EVC2: variants seen among roughly 807,000 people sequenced by gnomAD.
EVC2 encodes EvC ciliary complex subunit 2.
A neutral mutation model predicts 149.3 loss-of-function variants in EVC2; 148 were observed. The observed-to-expected ratio is 0.99, with a 90% CI of 0.87 to 1.14. EVC2 has a LOEUF of 1.14. EVC2 is among the 50% of genes most tolerant of loss of function. The pLI, the probability that EVC2 is intolerant of heterozygous loss-of-function variation, is 0.00. For missense variants in EVC2, 1,854 were observed against 1,627.3 expected, an observed-to-expected ratio of 1.14 and a Z score of -2.40; for synonymous variants, 776 against 649.9, an observed-to-expected ratio of 1.19 and a Z score of -2.95.
chr4:5,656,794 G>C (rs1228010543), intron 9 of EVC2, among the ~76,000 whole-genome samples: 1 of 152,178 alleles, frequency 6.6e-6, no homozygotes, highest in African/African-American at 2.4e-5. Flanking sequence ...CAGTGACACG[G>C]TGAGTTTCTG....
intron 9 of EVC2, among the ~76,000 whole-genome samples, chr4:5,655,645 C>A (rs57102438): frequency 0.031 from 4,674 of 152,052 alleles, 222 homozygotes; most frequent in African/African-American, 0.1. Flanking sequence ...AGACACAACT[C>A]GCGCATCACA....
Position 5,582,616 on chromosome 4 carries a change from C to T in EVC2, c.3057+2007G>A, listed in dbSNP as rs138676641. Among the ~76,000 whole-genome samples, 548 of 152,232 alleles carry T rather than the reference C, an allele frequency of 3.6e-3. 5 individuals are homozygous for T. Among genetic ancestry groups the T allele is most frequent in the Middle Eastern group, 0.01 (3 of 294 alleles). On this transcript the variant is annotated intron_variant, in intron 17 of 21. Transcript: ENST00000344408. ...TGGACTTTGGACTTTTGAGTTAATG[C>T]TGGAATGAGTTAAGACTCTAGGGGA...
At chr4:5,551,025 GT>G (rs1721725721) in intron 21 of EVC2, among the ~76,000 whole-genome samples, 1 of 152,234 alleles carries the variant, frequency 6.6e-6, no homozygotes, top group Admixed American at 6.5e-5. Flanking sequence ...ATGCCTGGAT[GT>G]CCAGGCAGAG....
In EVC2 at chr4:5,622,119, A is replaced by G. The variant is rs1382600534; in HGVS notation, c.2501+418T>C. ...GCAGGGCCTGGAATGGCCTAACCGC[A>G]AGCTCCCCTTCCCCCTCTGCTCCTG... On this transcript the variant is annotated intron_variant, in intron 14 of 21. Coordinates refer to ENST00000344408, the MANE Select transcript of EVC2 (RefSeq NM_147127.5). The surrounding 1 kb of genome is among the most constrained non-coding windows in gnomAD (Gnocchi z 5.8). 2.6e-5 allele frequency among the ~76,000 whole-genome samples: 4 copies of G among 151,864 alleles called. No homozygotes were observed. Among genetic ancestry groups the G allele is most frequent in the Non-Finnish European group, 5.9e-5 (4 of 67,970 alleles).
chr4:5,584,790 C>T lies in EVC2; in HGVS notation c.2890G>A (p.Ala964Thr). Residue 964 changes from alanine (A) to threonine (T), a missense_variant, in exon 17 of 22, where the codon GCA (alanine) becomes ACA (threonine). Physicochemically the swap from Ala to Thr is moderately conservative, Grantham distance 58. Coordinates refer to ENST00000344408, the MANE Select transcript of EVC2 (RefSeq NM_147127.5). The stretch of plus-strand genomic sequence containing the variant: ...AACTGCAGAGCAACAAGCGACTGTG[C>T]AAAGCCTCCCTCCTGTGCCTCCATC... ...QRMEAQEGGF[A>T]QSLVALQFQK... The T allele has an allele frequency of 6.2e-7, 1 of 1,614,194 alleles. No individual in the cohort carries two copies. The highest frequency in any genetic ancestry group is 8.5e-7 in the Non-Finnish European group (1 of 1,180,032).
intron 7 of EVC2, among the ~76,000 whole-genome samples, chr4:5,667,269 C>A (rs1278588818): frequency 6.6e-6 from 1 of 151,852 alleles, no homozygotes; most frequent in Non-Finnish European, 1.5e-5. Flanking sequence ...AATGTAATTT[C>A]TTGATGAGGT....
Position 5,637,216 on chromosome 4 carries a change from A to G in EVC2, c.1470+3298T>C, listed in dbSNP as rs1716944195. Among the ~76,000 whole-genome samples, 1 of 152,250 alleles carries G rather than the reference A, an allele frequency of 6.6e-6. No individual in the cohort carries two copies. The highest frequency in any genetic ancestry group is 1.5e-5 in the Non-Finnish European group (1 of 68,056). ...GCATTGCCCCAGGCAGTCTTTTGAT[A>G]GCAAAGCCACTAGAAACATTCTAGG... is the stretch of plus-strand genomic sequence containing the variant. On this transcript the variant is annotated intron_variant, in intron 10 of 21. Coordinates refer to ENST00000344408, the MANE Select transcript of EVC2 (RefSeq NM_147127.5). The surrounding 1 kb of genome is among the most constrained non-coding windows in gnomAD (Gnocchi z 4.4).
chr4:5,587,643 G>T (rs1023851951), intron 16 of EVC2, among the ~76,000 whole-genome samples: 4 of 152,154 alleles, frequency 2.6e-5, no homozygotes, highest in Non-Finnish European at 4.4e-5. Flanking sequence ...GGTTTATTTG[G>T]CCAGGAGCAT....
intron 7 of EVC2, among the ~76,000 whole-genome samples, chr4:5,671,328 CCT>C (rs1214365053): frequency 6.6e-6 from 1 of 152,084 alleles, no homozygotes; most frequent in African/African-American, 2.4e-5. Flanking sequence ...GGTTTGTGCC[CCT>C]GTTAACACTT....
chr4:5,628,700 G>A lies in EVC2; in HGVS notation c.1745C>T (p.Ala582Val), dbSNP rs1716309006. The A allele has an allele frequency of 1.9e-6, 3 of 1,612,854 alleles. No homozygotes were observed. Among genetic ancestry groups the A allele is most frequent in the Non-Finnish European group, 2.5e-6 (3 of 1,179,890 alleles). The change falls in exon 12 of 22, where the codon GCT (alanine) becomes GTT (valine). Residue 582 changes from alanine to valine, a missense_variant. Transcript: ENST00000344408. ...NVEELMDFFQ[A>V]SKRYHLSKRF... The stretch of plus-strand genomic sequence containing the variant: ...TTTACTTAGATGATACCTCTTACTA[G>A]CCTGGAAAAAGTCCATTAACTCTTC...
chr4:5,621,201 T>C (rs1304889401), intron 14 of EVC2, among the ~76,000 whole-genome samples: 1 of 152,104 alleles, frequency 6.6e-6, no homozygotes, highest in African/African-American at 2.4e-5. Flanking sequence ...GAAAGGACAT[T>C]AAATCATGGA....
Position 5,691,272 on chromosome 4 carries a change from C to T in EVC2, c.512G>A (p.Cys171Tyr), listed in dbSNP as rs200401090. 1.2e-6 allele frequency: 2 copies of T among 1,613,462 alleles called. No homozygotes were observed. Among genetic ancestry groups the T allele is most frequent in the East Asian group, 4.5e-5 (2 of 44,784 alleles). ...TSENGVIFQKCALVSGSSEAQ... is the reference protein window; with the variant it reads ...TSENGVIFQKYALVSGSSEAQ... ...CCACCAGTGGAAACTTACCAGTGCACATTTCTGAAAAATTACTCCATTTTC... is the reference window on the plus strand; with the variant it reads ...CCACCAGTGGAAACTTACCAGTGCATATTTCTGAAAAATTACTCCATTTTC... The change falls in exon 4 of 22, where the codon TGT becomes TAT. Residue 171 changes from cysteine to tyrosine, a missense_variant. Physicochemically the swap from Cys to Tyr is radical, Grantham distance 194. Coordinates refer to ENST00000344408, the MANE Select transcript of EVC2 (RefSeq NM_147127.5).
rs73794654 is a variant in EVC2 at position 5,569,574 on chromosome 4, C to T, written c.3361-934G>A. Among the ~76,000 whole-genome samples the T allele has an allele frequency of 0.077, 11,660 of 151,912 alleles. 767 individuals carry two copies. The highest frequency in any genetic ancestry group is 0.17 in the African/African-American group (6,988 of 41,376). ...TGGACAGCTGGAGAGGAAAAGAGGC[C>T]CCAGGACAGAGCTATTGGGTGCCCA... On this transcript the variant is annotated intron_variant, in intron 19 of 21. Transcript: ENST00000344408. The surrounding 1 kb of genome is among the most constrained non-coding windows in gnomAD (Gnocchi z 4.8).
chr4:5,531,838 A>C, the EVC2 span, among the ~76,000 whole-genome samples: 586 of 152,278 alleles, frequency 3.8e-3, 2 homozygotes, highest in African/African-American at 0.012. Context: ...AATGGTTTGA[A>C]TCATCCTGAA....
At chr4:5,662,072 C>T (rs1718913690) in intron 9 of EVC2, among the ~76,000 whole-genome samples, 2 of 152,164 alleles carry the variant, frequency 1.3e-5, no homozygotes, top group African/African-American at 4.8e-5. Flanking sequence ...CCTCTCTCCC[C>T]TGCTGCCTCT....
At position 5,618,551 on chromosome 4, in the gene EVC2, T is replaced by C. The variant is rs1344248732; in HGVS notation, c.2633A>G (p.Gln878Arg). 1.2e-6 allele frequency: 2 copies of C among 1,614,180 alleles called. No homozygotes were observed. The highest frequency in any genetic ancestry group is 8.5e-7 in the Non-Finnish European group (1 of 1,180,038). Residue 878 changes from glutamine (Q) to arginine (R), a missense_variant, in exon 15 of 22, where the codon CAG becomes CGG. Transcript: ENST00000344408. This position sits in a 1 kb window ranked among gnomAD's most constrained non-coding sequence, Gnocchi z 4.4. ...TTCTCGCCACGCAGTCTGAAATTGC[T>C]GCAGCAGAACTCGGGCCCGGATCTT... Reference protein sequence around the residue: ...LPKIRARVLLQQFQTAWREAE... With the variant: ...LPKIRARVLLRQFQTAWREAE...
At chr4:5,529,093 T>C in the EVC2 span, among the ~76,000 whole-genome samples, 7,691 of 152,204 alleles carry the variant, frequency 0.051, 436 homozygotes, top group African/African-American at 0.14. This position sits in a 1 kb window ranked among gnomAD's most constrained non-coding sequence, Gnocchi z 4.5. Flanking sequence ...GGGAGAGATT[T>C]TGAGAGCCAT....
intron 16 of EVC2, among the ~76,000 whole-genome samples, chr4:5,585,403 C>T (rs1281740200): frequency 1.3e-5 from 2 of 152,150 alleles, no homozygotes; most frequent in African/African-American, 4.8e-5. Context: ...TCTTTTGGGT[C>T]TATAGTTTCC....
chr4:5,610,409 C>A (rs1342709536), intron 16 of EVC2, among the ~76,000 whole-genome samples: 1 of 152,156 alleles, frequency 6.6e-6, no homozygotes, highest in African/African-American at 2.4e-5. Context: ...TCAATCAGTG[C>A]ATAAGACAAA....
Sources: gnomAD v4.1 joint callset for allele counts (sites outside exome capture counted in the v4.1 genomes callset) on GRCh38, gnomAD v4.1.1 for gene constraint, Gnocchi (gnomAD v3.1) non-coding constraint, MANE v1.5 for transcripts, NCBI Gene and HGNC (gene_info 2026-07-23, HGNC 2026-07-21) for gene names.